The following KIF5C variants were observed in gnomAD, a reference collection of about 807,000 sequenced individuals.
The protein encoded by KIF5C is kinesin heavy chain isoform 5C.
A neutral mutation model predicts 125.2 loss-of-function variants in KIF5C; 18 were observed. The ratio of observed to expected loss-of-function variants is 0.14; its 90% CI spans 0.10 to 0.21. KIF5C has a LOEUF of 0.21. Ranked by LOEUF, KIF5C falls within the 10% of genes least tolerant of loss-of-function variation. The probability of loss-of-function intolerance (pLI) is 1.00; values close to 1 mark genes in which losing one functional copy is unlikely to be tolerated. For synonymous variants in KIF5C, 405 were observed against 434.0 expected, an observed-to-expected ratio of 0.93 and a Z score of 0.83; for missense variants, 780 against 1,183.8, an observed-to-expected ratio of 0.66 and a Z score of 5.01.
chr2:149,019,396 AG>A (rs1183431132), intron 25 of KIF5C, among the ~76,000 whole-genome samples: 1 of 152,224 alleles, frequency 6.6e-6, no homozygotes, highest in Non-Finnish European at 1.5e-5. Flanking sequence ...AAGACAGCTG[AG>A]GTGGGACTGC....
intron 11 of KIF5C, among the ~76,000 whole-genome samples, chr2:148,968,333 G>A (rs769505540): frequency 6.6e-6 from 1 of 152,202 alleles, no homozygotes; most frequent in Non-Finnish European, 1.5e-5. Context: ...CAGCAGACAT[G>A]GTTCAGTAAC....
chr2:148,922,068 C>A, intron 1 of KIF5C, 69 bp from the exon 2 acceptor site: 1 of 1,088,860 alleles, frequency 9.2e-7, no homozygotes, highest in South Asian at 1.5e-5. Flanking sequence ...CTAATGTTTG[C>A]GATTTTTTAT....
intron 2 of KIF5C, among the ~76,000 whole-genome samples, chr2:148,928,829 A>G (rs1682101548): frequency 2.6e-5 from 4 of 152,202 alleles, no homozygotes; most frequent in African/African-American, 7.2e-5. Flanking sequence ...AACCTCCCCA[A>G]GGAGCTAGCC....
In KIF5C at chr2:149,020,093, G is replaced by A. The variant is rs569606636; in HGVS notation, c.*8-2985G>A. 1.2e-4 allele frequency: 18 copies of A among 152,292 alleles called. No homozygotes were observed. In the South Asian group the frequency reaches 3.1e-3, roughly 26 times the overall value. 9.4% of individuals were successfully genotyped at this position (152,292 alleles called of 1,614,324 possible). A position where few individuals can be genotyped will look rare whatever the true frequency, so the allele number is the denominator to read the frequency against. Reference sequence around the variant, plus strand: ...AGACTCCTCAGTCTCTCTGGGATTAGAACAGACAGAAATGCTTTATCTCAG... The same window carrying A: ...AGACTCCTCAGTCTCTCTGGGATTAAAACAGACAGAAATGCTTTATCTCAG... On this transcript the variant is annotated intron_variant, in intron 25 of 25. Transcript: ENST00000435030.
chr2:149,007,083 C>T (rs1332631644), intron 22 of KIF5C, among the ~76,000 whole-genome samples: 1 of 152,114 alleles, frequency 6.6e-6, no homozygotes, highest in Non-Finnish European at 1.5e-5. Context: ...ATTCTCATAC[C>T]CCACCCCAGG....
At position 149,000,493 on chromosome 2, in the gene KIF5C, C is replaced by A. The variant is rs867775865; in HGVS notation, c.2281C>A (p.Gln761Lys). Reference sequence around the variant, plus strand: ...TTATAACAAGCTGAAAATAGAGGACCAAGAGAGAGAAATGAAGCTGGAAAA... The same window carrying A: ...TTATAACAAGCTGAAAATAGAGGACAAAGAGAGAGAAATGAAGCTGGAAAA... Reference protein sequence around the residue: ...SDYNKLKIEDQEREMKLEKLL... With the variant: ...SDYNKLKIEDKEREMKLEKLL... Residue 761 changes from glutamine to lysine, a missense_variant, in exon 20 of 26, where the codon CAA (glutamine) becomes AAA (lysine). By Grantham distance (53) the Gln-to-Lys change is moderately conservative. Transcript: ENST00000435030. 6.4e-6 allele frequency: 10 copies of A among 1,572,606 alleles called. No homozygotes were observed.
At chr2:148,934,507 C>A (rs1160888282) in intron 3 of KIF5C, among the ~76,000 whole-genome samples, 1 of 150,776 alleles carries the variant, frequency 6.6e-6, no homozygotes, top group Admixed American at 6.6e-5. Flanking sequence ...TATACATGCA[C>A]ACATACAGGC....
intron 25 of KIF5C, among the ~76,000 whole-genome samples, chr2:149,021,199 A>C (rs766679765): frequency 2.6e-5 from 4 of 152,078 alleles, no homozygotes; most frequent in Non-Finnish European, 5.9e-5. Flanking sequence ...AGTAGCTGGG[A>C]CTACACATAC....
chr2:148,980,898 T>C (rs1681215695), intron 13 of KIF5C, among the ~76,000 whole-genome samples: 1 of 151,714 alleles, frequency 6.6e-6, no homozygotes, highest in Non-Finnish European at 1.5e-5. Context: ...TTAGTAGAGA[T>C]GGGGTTTTGC....
chr2:148,958,568 A>G (rs1050490574), intron 10 of KIF5C, among the ~76,000 whole-genome samples: 6 of 152,116 alleles, frequency 3.9e-5, no homozygotes, highest in African/African-American at 1.4e-4. Context: ...AGGTATATGT[A>G]TTTTATATAT....
intron 14 of KIF5C, 33 bp from the exon 15 acceptor site, chr2:148,983,587 C>G: frequency 9.9e-6 from 15 of 1,522,536 alleles, no homozygotes; most frequent in Non-Finnish European, 1.2e-5. Flanking sequence ...GATGGGCAAC[C>G]CTTTGAATTT....
In KIF5C at chr2:148,921,999, C is replaced by G. The variant is rs921044052; in HGVS notation, c.127-138C>G. The G allele has an allele frequency of 3.6e-5, 20 of 550,786 alleles. No individual in the cohort carries two copies. In the Admixed American group the frequency reaches 6.6e-4, roughly 18 times the overall value. 34.1% of individuals were successfully genotyped at this position (550,786 alleles called of 1,614,324 possible). On this transcript the variant is annotated intron_variant, in intron 1 of 25. Coordinates refer to ENST00000435030, the MANE Select transcript of KIF5C (RefSeq NM_004522.3). ...GTTTATGCTGTAAAAATTCCCTGCT[C>G]TTGGTAATGAACTGCCTTAAAGAAC... is the stretch of plus-strand genomic sequence containing the variant.
intron 6 of KIF5C, 134 bp downstream of exon 6, chr2:148,942,124 T>A: frequency 3.1e-6 from 3 of 966,980 alleles, no homozygotes. Context: ...ATATTTAATA[T>A]TCATCTGGTT....
chr2:149,000,522 C>CA lies in KIF5C; in HGVS notation c.2310_2311insA (p.Leu771IlefsTer6). The CA allele has an allele frequency of 6.4e-7, 1 of 1,560,674 alleles. No individual in the cohort carries two copies. Among genetic ancestry groups the CA allele is most frequent in the South Asian group, 1.2e-5 (1 of 85,394 alleles). ...AGAGAGAAATGAAGCTGGAAAAGCT[C>CA]TTGTGAGTGCACTCTAAATATTTCC... On this transcript the variant is annotated frameshift_variant and splice_region_variant, in exon 20 of 26. Coordinates refer to ENST00000435030, the MANE Select transcript of KIF5C (RefSeq NM_004522.3). LOFTEE classifies it high-confidence loss of function.
At chr2:148,972,722 C>G (rs958808973) in intron 11 of KIF5C, among the ~76,000 whole-genome samples, 19 of 152,200 alleles carry the variant, frequency 1.2e-4, no homozygotes, top group African/African-American at 3.4e-4. Context: ...AACTTTCCAG[C>G]AGAGCCAATT....
At chr2:148,943,667 C>A (rs1682460190) in intron 7 of KIF5C, among the ~76,000 whole-genome samples, 1 of 152,096 alleles carries the variant, frequency 6.6e-6, no homozygotes, top group South Asian at 2.1e-4. Flanking sequence ...ACTCTCCAAC[C>A]CTTATAGCTG....
chr2:148,996,837 C>T (rs1273145379), intron 17 of KIF5C, among the ~76,000 whole-genome samples: 1 of 152,212 alleles, frequency 6.6e-6, no homozygotes, highest in Non-Finnish European at 1.5e-5. Context: ...TCCTAGAACT[C>T]CCATCATGGC....
chr2:148,927,489 T>G (rs992255259), intron 2 of KIF5C, among the ~76,000 whole-genome samples: 1 of 149,198 alleles, frequency 6.7e-6, no homozygotes, highest in South Asian at 2.1e-4. Context: ...TTTCAGGGTG[T>G]GTGTGTGTGT....
At chr2:148,978,539 C>T (rs1681142789) in intron 12 of KIF5C, among the ~76,000 whole-genome samples, 1 of 152,008 alleles carries the variant, frequency 6.6e-6, no homozygotes, top group Non-Finnish European at 1.5e-5. Flanking sequence ...TAACATATGA[C>T]AGTGCAGCTA....
Sources: gnomAD v4.1 joint callset for allele counts (sites outside exome capture counted in the v4.1 genomes callset) on GRCh38, gnomAD v4.1.1 for gene constraint, MANE v1.5 for transcripts, NCBI Gene and HGNC (gene_info 2026-07-23, HGNC 2026-07-21) for gene names.